The following RNF144B variants were observed in gnomAD, a reference collection of about 807,000 sequenced individuals.
The protein encoded by RNF144B is ring finger protein 144B.
RNF144B carries 25 observed loss-of-function variants against 40.2 expected under a neutral mutation model. The ratio of observed to expected loss-of-function variants is 0.62; its 90% CI spans 0.45 to 0.87. The LOEUF is 0.87. Among genes scored for constraint, RNF144B ranks in the 40% least tolerant of loss-of-function variants. The pLI is 0.00. For missense variants in RNF144B, 365 were observed against 373.7 expected (o/e 0.98, Z 0.19); for synonymous variants, 145 against 136.3 (o/e 1.06, Z -0.44).
chr6:18,456,955 G>A lies in RNF144B; in HGVS notation c.332-200G>A, dbSNP rs548275190. 6.6e-6 allele frequency among the ~76,000 whole-genome samples: 1 copy of A among 152,274 alleles called. No homozygotes were observed. Among genetic ancestry groups the A allele is most frequent in the South Asian group, 2.1e-4 (1 of 4,828 alleles). On this transcript the variant is annotated intron_variant, in intron 4 of 7. Coordinates refer to ENST00000259939, the MANE Select transcript of RNF144B (RefSeq NM_182757.4). The surrounding 1 kb of genome is among the most constrained non-coding windows in gnomAD (Gnocchi z 4.7). ...TGCGCACCTGTAGTCCCAGCTACTC[G>A]GGAGGCTGAGGCAGAAGAATCGGTT...
intron 2 of RNF144B, among the ~76,000 whole-genome samples, chr6:18,407,632 A>G (rs958049150): frequency 2.6e-5 from 4 of 152,232 alleles, no homozygotes; most frequent in African/African-American, 7.2e-5. Context: ...ACTGGTTTCT[A>G]TGTAAATTCT....
chr6:18,409,582 C>CTTTTTTTTTTTTTTT (rs1044495097), intron 2 of RNF144B, among the ~76,000 whole-genome samples: 9 of 45,946 alleles, frequency 2.0e-4, no homozygotes, highest in Non-Finnish European at 2.2e-4. Context: ...TTTTTTTTTA[C>CTTTTTTTTTTTTTTT]TTTTTGAGAT....
At position 18,405,063 on chromosome 6, in the gene RNF144B, G is replaced by A. The variant is rs569951365; in HGVS notation, c.165+5364G>A. On this transcript the variant is annotated intron_variant, in intron 2 of 7. Transcript: ENST00000259939. This position sits in a 1 kb window ranked among gnomAD's most constrained non-coding sequence, Gnocchi z 4.5. Reference sequence around the variant, plus strand: ...GTCTTCTACTACTATTAAATGGGCCGAACTAAGTTCTGCCAGTTCAAAGCA... The same window carrying A: ...GTCTTCTACTACTATTAAATGGGCCAAACTAAGTTCTGCCAGTTCAAAGCA... Among the ~76,000 whole-genome samples the A allele has an allele frequency of 7.9e-5, 12 of 151,954 alleles. No homozygotes were observed. Among genetic ancestry groups the A allele is most frequent in the East Asian group, 1.9e-4 (1 of 5,198 alleles).
Position 18,395,153 on chromosome 6 carries a change from A to G in RNF144B, c.-36-4346A>G, listed in dbSNP as rs1282977113. 6.6e-6 allele frequency among the ~76,000 whole-genome samples: 1 copy of G among 152,228 alleles called. No homozygotes were observed. The highest frequency in any genetic ancestry group is 1.5e-5 in the Non-Finnish European group (1 of 68,044). On this transcript the variant is annotated intron_variant, in intron 1 of 7. Transcript: ENST00000259939. This position sits in a 1 kb window ranked among gnomAD's most constrained non-coding sequence, Gnocchi z 4.5. ...GTAATTATAATTGTTAGCTTTTAAA[A>G]TCAAGTGGTAGGGTGGATAATTCAA...
At position 18,447,817 on chromosome 6, in the gene RNF144B, A is replaced by G. The variant is rs1408743060; in HGVS notation, c.331+8073A>G. 6.6e-6 allele frequency among the ~76,000 whole-genome samples: 1 copy of G among 152,214 alleles called. No homozygotes were observed. Among genetic ancestry groups the G allele is most frequent in the Non-Finnish European group, 1.5e-5 (1 of 68,038 alleles). Reference sequence around the variant, plus strand: ...GCGCATCTAAGAATTAAACATAGCTAAAGAAGCAGTTTCAGGACTGAGCCC... The same window carrying G: ...GCGCATCTAAGAATTAAACATAGCTGAAGAAGCAGTTTCAGGACTGAGCCC... On this transcript the variant is annotated intron_variant, in intron 4 of 7. Transcript: ENST00000259939. This position sits in a 1 kb window ranked among gnomAD's most constrained non-coding sequence, Gnocchi z 5.6.
chr6:18,440,701 G>T (rs1241703127), intron 4 of RNF144B, among the ~76,000 whole-genome samples: 1 of 93,776 alleles, frequency 1.1e-5, no homozygotes, highest in East Asian at 3.4e-4. Context: ...GGTAGAGTAG[G>T]AATGCTTGTT....
Position 18,398,150 on chromosome 6 carries a change from C to G in RNF144B, c.-36-1349C>G, listed in dbSNP as rs888744622. On this transcript the variant is annotated intron_variant, in intron 1 of 7. Coordinates refer to ENST00000259939, the MANE Select transcript of RNF144B (RefSeq NM_182757.4). The surrounding 1 kb of genome is among the most constrained non-coding windows in gnomAD (Gnocchi z 5.0). Reference sequence around the variant, plus strand: ...CACAAACAGTAACTCTTCATTTCCCCCTCCCACCAGCCCCTGGTAACCTCT... The same window carrying G: ...CACAAACAGTAACTCTTCATTTCCCGCTCCCACCAGCCCCTGGTAACCTCT... Among the ~76,000 whole-genome samples, 1 of 152,076 alleles carries G rather than the reference C, an allele frequency of 6.6e-6. No individual in the cohort carries two copies. The highest frequency in any genetic ancestry group is 1.5e-5 in the Non-Finnish European group (1 of 68,018).
chr6:18,464,341 A>G lies in RNF144B; in HGVS notation c.772-586A>G, dbSNP rs546144874. On this transcript the variant is annotated intron_variant, in intron 7 of 7. Coordinates refer to ENST00000259939, the MANE Select transcript of RNF144B (RefSeq NM_182757.4). The surrounding 1 kb of genome is among the most constrained non-coding windows in gnomAD (Gnocchi z 6.1). ...AATTCATGACTATACTGAGCTTGCG[A>G]CAGCTTGAGTTAGCATTTGGATGGT... Among the ~76,000 whole-genome samples, 2 of 152,306 alleles carry G rather than the reference A, an allele frequency of 1.3e-5. No individual in the cohort carries two copies. The highest frequency in any genetic ancestry group is 3.4e-3 in the Middle Eastern group (1 of 294).
At chr6:18,429,052 G>A (rs556970859) in intron 3 of RNF144B, among the ~76,000 whole-genome samples, 1 of 152,194 alleles carries the variant, frequency 6.6e-6, no homozygotes, top group East Asian at 1.9e-4. Flanking sequence ...TAGAAAATTA[G>A]CCAGGCATAG....
Position 18,398,042 on chromosome 6 carries a change from G to A in RNF144B, c.-36-1457G>A, listed in dbSNP as rs1456251922. ...GAGGGTCATGTCAGTCCAGGAGTTC[G>A]AGGCTGCAGTGAGCTATGATTGTGC... On this transcript the variant is annotated intron_variant, in intron 1 of 7. Coordinates refer to ENST00000259939, the MANE Select transcript of RNF144B (RefSeq NM_182757.4). The surrounding 1 kb of genome is among the most constrained non-coding windows in gnomAD (Gnocchi z 5.0). Among the ~76,000 whole-genome samples the A allele has an allele frequency of 2.0e-5, 3 of 151,900 alleles. No individual in the cohort carries two copies. The highest frequency in any genetic ancestry group is 4.4e-5 in the Non-Finnish European group (3 of 68,000).
intron 1 of RNF144B, among the ~76,000 whole-genome samples, chr6:18,392,169 C>T (rs1409390006): frequency 6.6e-6 from 1 of 151,942 alleles, no homozygotes; most frequent in Non-Finnish European, 1.5e-5. Flanking sequence ...GATAGCACCA[C>T]TGCACTGCAG....
At position 18,427,602 on chromosome 6, in the gene RNF144B, C is replaced by G; in HGVS notation, c.187C>G (p.Leu63Val). 6.2e-7 allele frequency: 1 copy of G among 1,613,578 alleles called. No homozygotes were observed. The highest frequency in any genetic ancestry group is 8.5e-7 in the Non-Finnish European group (1 of 1,179,646). The change falls in exon 3 of 8, where the codon CTG becomes GTG. Residue 63 changes from leucine (L) to valine (V), a missense_variant. Leu to Val is a conservative substitution (Grantham distance 32). Transcript: ENST00000259939. ...CCAGTGCCTGAAACAGTACATGCAG[C>G]TGGCAATCCGAGAAGGATGTGGGTC... is the stretch of plus-strand genomic sequence containing the variant. Reference protein sequence around the residue: ...CTACLKQYMQLAIREGCGSPI... With the variant: ...CTACLKQYMQVAIREGCGSPI...
rs537854181 is a variant in RNF144B at position 18,405,653 on chromosome 6, C to A, written c.165+5954C>A. On this transcript the variant is annotated intron_variant, in intron 2 of 7. Transcript: ENST00000259939. The surrounding 1 kb of genome is among the most constrained non-coding windows in gnomAD (Gnocchi z 4.5). ...TTGGTCAAGTCACAGGTTTACAATG[C>A]CGATTTTATTGGCACTATATTTTTC... 1.3e-5 allele frequency among the ~76,000 whole-genome samples: 2 copies of A among 152,220 alleles called. No homozygotes were observed. Among genetic ancestry groups the A allele is most frequent in the East Asian group, 3.9e-4 (2 of 5,174 alleles).
intron 4 of RNF144B, among the ~76,000 whole-genome samples, chr6:18,453,538 C>A (rs1924467): frequency 0.3 from 44,826 of 151,764 alleles, 7,700 homozygotes; most frequent in East Asian, 0.5. Context: ...AGCTATGTGG[C>A]GTTCAACTGT....
In RNF144B at chr6:18,398,669, C is replaced by T. The variant is rs527471145; in HGVS notation, c.-36-830C>T. Among the ~76,000 whole-genome samples the T allele has an allele frequency of 9.2e-5, 14 of 152,342 alleles. No individual in the cohort carries two copies. In the East Asian group the frequency reaches 2.7e-3, roughly 29 times the overall value. On this transcript the variant is annotated intron_variant, in intron 1 of 7. Transcript: ENST00000259939. This position sits in a 1 kb window ranked among gnomAD's most constrained non-coding sequence, Gnocchi z 5.0. ...TCGGCCTCCCACAGTGCTGGGATTACAGGCATGAGCCACTGCGCCCAGCCT... is the reference window on the plus strand; with the variant it reads ...TCGGCCTCCCACAGTGCTGGGATTATAGGCATGAGCCACTGCGCCCAGCCT...
intron 2 of RNF144B, among the ~76,000 whole-genome samples, chr6:18,409,033 G>A (rs1243783860): frequency 6.7e-6 from 1 of 149,210 alleles, no homozygotes; most frequent in Non-Finnish European, 1.5e-5. Flanking sequence ...CTAATAAAGT[G>A]TGATATATTC....
intron 1 of RNF144B, 71 bp downstream of exon 1, chr6:18,387,701 A>G (rs1794485675): frequency 1.6e-6 from 2 of 1,221,912 alleles, no homozygotes; most frequent in Admixed American, 2.6e-5. Flanking sequence ...ACTAAGGAAA[A>G]AGGACAGGAA....
rs553199175 is a variant in RNF144B at position 18,413,002 on chromosome 6, C to T, written c.165+13303C>T. Reference sequence around the variant, plus strand: ...AAGGAAAAGCAAGGGCATTTGAGTACCTTTCATATAATATGTAATATGCAA... The same window carrying T: ...AAGGAAAAGCAAGGGCATTTGAGTATCTTTCATATAATATGTAATATGCAA... On this transcript the variant is annotated intron_variant, in intron 2 of 7. Transcript: ENST00000259939. Among the ~76,000 whole-genome samples, 6 of 152,262 alleles carry T rather than the reference C, an allele frequency of 3.9e-5. No homozygotes were observed. In the South Asian group the frequency reaches 1.0e-3, roughly 26 times the overall value.
At chr6:18,401,441 G>C (rs148393448) in intron 2 of RNF144B, among the ~76,000 whole-genome samples, 91 of 152,200 alleles carry the variant, frequency 6.0e-4, no homozygotes, top group Non-Finnish European at 1.1e-3. Flanking sequence ...ATGTTTTTTG[G>C]TATCCCTCAA....
Sources: allele counts gnomAD v4.1 joint callset (sites outside exome capture counted in the v4.1 genomes callset), GRCh38; gene constraint gnomAD v4.1.1; non-coding constraint Gnocchi (gnomAD v3.1); transcripts MANE v1.5; gene names NCBI Gene and HGNC (gene_info 2026-07-23, HGNC 2026-07-21).